Variants in CAB39L observed in about 807,000 individuals in gnomAD.
CAB39L encodes the protein calcium-binding protein 39-like.
CAB39L carries 23 observed loss-of-function variants against 39.1 expected under a neutral mutation model. That is an observed-to-expected ratio of 0.59 (90% CI 0.42 to 0.83). The LOEUF is 0.83. Among genes scored for constraint, CAB39L ranks in the 40% least tolerant of loss-of-function variants. The probability of loss-of-function intolerance (pLI) is 0.00; values close to 1 mark genes in which losing one functional copy is unlikely to be tolerated. For missense variants in CAB39L, 366 were observed against 391.9 expected (o/e 0.93, Z 0.56); for synonymous variants, 126 against 137.2 (o/e 0.92, Z 0.57).
At chr13:49,368,200 T>G (rs1441565253) in intron 5 of CAB39L, among the ~76,000 whole-genome samples, 1 of 152,210 alleles carries the variant, frequency 6.6e-6, no homozygotes, top group Non-Finnish European at 1.5e-5. Context: ...GAAATGAAGC[T>G]CTGCAGAACT....
intron 1 of CAB39L, among the ~76,000 whole-genome samples, chr13:49,438,381 C>G (rs1242997284): frequency 6.6e-6 from 1 of 152,126 alleles, no homozygotes; most frequent in East Asian, 1.9e-4. Context: ...CTTGATGCTA[C>G]ACACAAAATA....
chr13:49,368,520 C>T (rs763145054), intron 5 of CAB39L, among the ~76,000 whole-genome samples: 8 of 151,978 alleles, frequency 5.3e-5, no homozygotes, highest in South Asian at 2.1e-4. Flanking sequence ...GATCTCAAGC[C>T]CTGGACTCAG....
At chr13:49,341,948 T>C (rs1161346173) in intron 8 of CAB39L, among the ~76,000 whole-genome samples, 2 of 152,242 alleles carry the variant, frequency 1.3e-5, no homozygotes, top group East Asian at 3.8e-4. Flanking sequence ...ATTTCCTTTA[T>C]AACATGAGGA....
chr13:49,368,901 T>C (rs74072535), intron 5 of CAB39L, among the ~76,000 whole-genome samples: 2,157 of 151,992 alleles, frequency 0.014, 49 homozygotes, highest in African/African-American at 0.047. Flanking sequence ...AAAAGGGAAA[T>C]GAGAAAAGAA....
chr13:49,331,869 T>C, intron 10 of CAB39L, 78 bp downstream of exon 10: 1 of 1,326,770 alleles, frequency 7.5e-7, no homozygotes. Context: ...TGAAGGAGAG[T>C]AAAGAGCAGG....
intron 5 of CAB39L, 139 bp downstream of exon 5, chr13:49,376,828 A>G (rs576611176): frequency 2.5e-4 from 165 of 660,398 alleles, no homozygotes; most frequent in Non-Finnish European, 3.5e-4. Context: ...AATTGTAGAC[A>G]TTTTAGAAAA....
chr13:49,410,763 T>C (rs958495035), intron 3 of CAB39L, among the ~76,000 whole-genome samples: 2 of 152,200 alleles, frequency 1.3e-5, no homozygotes, highest in African/African-American at 2.4e-5. Context: ...AACAAACACA[T>C]AGCATTTGCA....
intron 6 of CAB39L, among the ~76,000 whole-genome samples, chr13:49,359,066 T>C (rs1487224369): frequency 4.6e-5 from 7 of 152,094 alleles, no homozygotes; most frequent in African/African-American, 1.2e-4. Flanking sequence ...TGGTTTGAGA[T>C]GGTGGAGTAG....
chr13:49,348,728 G>A (rs771196486), intron 7 of CAB39L, among the ~76,000 whole-genome samples: 6 of 152,290 alleles, frequency 3.9e-5, no homozygotes, highest in Middle Eastern at 6.8e-3. Context: ...CAGAGTTCTT[G>A]TCAATTAAAT....
chr13:49,428,098 T>C (rs1244157550), intron 3 of CAB39L, among the ~76,000 whole-genome samples: 1 of 152,270 alleles, frequency 6.6e-6, no homozygotes, highest in African/African-American at 2.4e-5. Flanking sequence ...CAGTATCAAA[T>C]TAGTTGTCTA....
chr13:49,404,444 GA>G (rs76373709), intron 3 of CAB39L, among the ~76,000 whole-genome samples: 5,499 of 136,142 alleles, frequency 0.04, 126 homozygotes, highest in East Asian at 0.13. Context: ...GAGAGGTCTG[GA>G]AAAAAAAAAA....
intron 5 of CAB39L, among the ~76,000 whole-genome samples, chr13:49,374,080 C>T (rs1051561091): frequency 6.6e-6 from 1 of 152,178 alleles, no homozygotes; most frequent in Non-Finnish European, 1.5e-5. Flanking sequence ...TTCATTCATT[C>T]ATTTATTCAT....
rs891843737 is a variant in CAB39L, at chr13:49,310,692, C to G, written c.*122G>C. The G allele has an allele frequency of 1.1e-6, 1 of 932,966 alleles. No individual in the cohort carries two copies. The highest frequency in any genetic ancestry group is 2.5e-5 in the Admixed American group (1 of 39,866). 57.8% of individuals were successfully genotyped at this position (932,966 alleles called of 1,614,324 possible). ...ATGTTTATACTCCATCTACCCAGAA[C>G]AATTACAGCAGAAAAAATAGGCACC... On this transcript the variant is annotated 3_prime_UTR_variant, in exon 11 of 11. Transcript: ENST00000409308.
At chr13:49,441,345 C>G (rs910393127) in intron 1 of CAB39L, among the ~76,000 whole-genome samples, 1 of 151,412 alleles carries the variant, frequency 6.6e-6, no homozygotes, top group South Asian at 2.1e-4. Context: ...GAAGCCAAAG[C>G]AGGAGGATCA....
At chr13:49,313,323 T>C (rs772043276) in intron 10 of CAB39L, among the ~76,000 whole-genome samples, 15 of 151,932 alleles carry the variant, frequency 9.9e-5, no homozygotes, top group Non-Finnish European at 2.1e-4. Flanking sequence ...CTACTAAAAA[T>C]ACAAAAAATT....
chr13:49,406,446 C>G (rs1956881041), intron 3 of CAB39L, among the ~76,000 whole-genome samples: 1 of 150,804 alleles, frequency 6.6e-6, no homozygotes, highest in South Asian at 2.1e-4. Flanking sequence ...TCCCAAAGCA[C>G]TGGGATTACA....
intron 10 of CAB39L, among the ~76,000 whole-genome samples, chr13:49,321,070 A>G (rs1365503114): frequency 2.0e-5 from 3 of 152,220 alleles, no homozygotes; most frequent in Non-Finnish European, 2.9e-5. Context: ...CATTCTTACC[A>G]TCACTCTGAT....
chr13:49,386,842 C>CAGACTAAACACCTCCCCCACTCCA (rs1566108843), intron 3 of CAB39L, among the ~76,000 whole-genome samples: 4 of 151,732 alleles, frequency 2.6e-5, no homozygotes, highest in African/African-American at 9.7e-5. Flanking sequence ...CCCCCACTCC[C>CAGACTAAACACCTCCCCCACTCCA]AGACTAAACA....
chr13:49,344,299 C>A, intron 7 of CAB39L, 61 bp from the exon 8 acceptor site: 3 of 948,970 alleles, frequency 3.2e-6, no homozygotes, highest in South Asian at 2.8e-5. Flanking sequence ...ACAAATGTGT[C>A]TTTTCTAAGG....
Sources: allele counts gnomAD v4.1 joint callset (sites outside exome capture counted in the v4.1 genomes callset), GRCh38; gene constraint gnomAD v4.1.1; transcripts MANE v1.5; gene names NCBI Gene and HGNC (gene_info 2026-07-23, HGNC 2026-07-21).